Variants in HPSE2 observed in about 807,000 individuals in gnomAD.
The protein encoded by HPSE2 is heparanase 2 (inactive).
In HPSE2, 38 loss-of-function variants were observed where a neutral mutation model predicts 60.5. The ratio of observed to expected loss-of-function variants is 0.63; its 90% CI spans 0.48 to 0.82. The LOEUF is 0.82. Ranked by LOEUF, HPSE2 falls within the 40% of genes least tolerant of loss-of-function variation. HPSE2 has a pLI of 0.00. For synonymous variants in HPSE2, 295 were observed against 293.2 expected (o/e 1.01, Z -0.06); for missense variants, 713 against 740.4 (o/e 0.96, Z 0.43).
intron 3 of HPSE2, among the ~76,000 whole-genome samples, chr10:98,921,441 A>T (rs1445705436): frequency 1.3e-5 from 2 of 152,196 alleles, no homozygotes; most frequent in Admixed American, 1.3e-4. Context: ...GCAAAGGGAA[A>T]GCTGGCCTCT....
At chr10:99,214,226 G>C (rs1849043895) in intron 2 of HPSE2, among the ~76,000 whole-genome samples, 1 of 152,166 alleles carries the variant, frequency 6.6e-6, no homozygotes, top group Non-Finnish European at 1.5e-5. Context: ...CATGGATGTG[G>C]AAAAACTGGC....
At chr10:98,968,251 A>G (rs1955863482) in intron 3 of HPSE2, among the ~76,000 whole-genome samples, 1 of 152,190 alleles carries the variant, frequency 6.6e-6, no homozygotes, top group African/African-American at 2.4e-5. Context: ...CCTGTGGGCA[A>G]TTAGCACTGT....
intron 3 of HPSE2, among the ~76,000 whole-genome samples, chr10:99,015,883 T>C (rs1564739149): frequency 6.6e-6 from 1 of 152,164 alleles, no homozygotes; most frequent in Non-Finnish European, 1.5e-5. Flanking sequence ...CCCACTTTTT[T>C]ATGGGCTTGT....
intron 5 of HPSE2, among the ~76,000 whole-genome samples, chr10:98,709,734 C>A (rs145245975): frequency 6.6e-6 from 1 of 152,186 alleles, no homozygotes; most frequent in Non-Finnish European, 1.5e-5. Context: ...TGTTATCCAC[C>A]TGCACATATG....
chr10:98,803,878 TG>T (rs1791995107), intron 3 of HPSE2, among the ~76,000 whole-genome samples: 1 of 152,004 alleles, frequency 6.6e-6, no homozygotes, highest in Admixed American at 6.6e-5. Flanking sequence ...GGTAGCTTGA[TG>T]GGGATGGCAG....
intron 9 of HPSE2, among the ~76,000 whole-genome samples, chr10:98,592,747 C>G (rs1405133820): frequency 6.6e-6 from 1 of 152,174 alleles, no homozygotes; most frequent in East Asian, 1.9e-4. Context: ...GGCAAGCTAC[C>G]TCTCTTGCCC....
intron 9 of HPSE2, among the ~76,000 whole-genome samples, chr10:98,534,650 C>A (rs2133808478): frequency 6.6e-6 from 1 of 152,292 alleles, no homozygotes; most frequent in East Asian, 1.9e-4. Flanking sequence ...GGTGATCTGC[C>A]CACCTCAGCC....
At chr10:99,211,018 A>T (rs1353800281) in intron 2 of HPSE2, among the ~76,000 whole-genome samples, 2 of 152,168 alleles carry the variant, frequency 1.3e-5, no homozygotes, top group Non-Finnish European at 2.9e-5. Flanking sequence ...AGAAAACCCT[A>T]AGATTCAACC....
chr10:98,499,296 C>T (rs1029866860), intron 9 of HPSE2, among the ~76,000 whole-genome samples: 19 of 152,160 alleles, frequency 1.2e-4, no homozygotes, highest in Non-Finnish European at 2.9e-5. Context: ...AGATTAACAG[C>T]AGATTTCTCA....
At chr10:98,827,458 G>A (rs200431910) in intron 3 of HPSE2, among the ~76,000 whole-genome samples, 2 of 152,060 alleles carry the variant, frequency 1.3e-5, no homozygotes, top group African/African-American at 4.8e-5. Context: ...CGCCCACCTC[G>A]GCCTCCCAAA....
chr10:98,605,299 C>T (rs1177866158), intron 9 of HPSE2, among the ~76,000 whole-genome samples: 1 of 152,180 alleles, frequency 6.6e-6, no homozygotes, highest in African/African-American at 2.4e-5. Flanking sequence ...ACACATCCAT[C>T]ATCTATTAAC....
chr10:99,116,540 C>T (rs1844699200), intron 3 of HPSE2, among the ~76,000 whole-genome samples: 1 of 152,154 alleles, frequency 6.6e-6, no homozygotes, highest in African/African-American at 2.4e-5. Flanking sequence ...CTAACACTGA[C>T]AATTATACAG....
chr10:98,928,463 A>G lies in HPSE2; in HGVS notation c.611-184407T>C, dbSNP rs994988404. 1.3e-4 allele frequency among the ~76,000 whole-genome samples: 14 copies of G among 104,554 alleles called. 2 individuals carry two copies. Among genetic ancestry groups the G allele is most frequent in the African/African-American group, 5.4e-4 (12 of 22,310 alleles). The allele number at this position is 104,554 out of a possible 152,430, so 68.6% of individuals were successfully genotyped here. On this transcript the variant is annotated intron_variant, in intron 3 of 11. Transcript: ENST00000370552. ...TCAGGGATCTAGAACTAGAAATACC[A>G]TTTGACCCAGCCATCCCATTACTGG...
chr10:99,289,839 T>G, the HPSE2 span, among the ~76,000 whole-genome samples: 5 of 152,296 alleles, frequency 3.3e-5, no homozygotes, highest in African/African-American at 9.6e-5. Context: ...CATTAAAAAC[T>G]GTACTGCTGA....
intron 3 of HPSE2, among the ~76,000 whole-genome samples, chr10:99,005,463 T>C (rs969100728): frequency 1.3e-5 from 2 of 152,136 alleles, no homozygotes; most frequent in African/African-American, 4.8e-5. Flanking sequence ...TTTCACTTCA[T>C]TCATTGTGTC....
intron 9 of HPSE2, among the ~76,000 whole-genome samples, chr10:98,540,049 C>T (rs1341531242): frequency 4.6e-5 from 7 of 152,230 alleles, no homozygotes; most frequent in Non-Finnish European, 7.3e-5. Context: ...TTCTGGGTCT[C>T]AATTTCTGCA....
chr10:98,554,513 T>G (rs940131013), intron 9 of HPSE2, among the ~76,000 whole-genome samples: 1 of 152,186 alleles, frequency 6.6e-6, no homozygotes, highest in African/African-American at 2.4e-5. Flanking sequence ...CCATAAAATT[T>G]TAAGTTCTTT....
At chr10:98,929,208 C>T (rs1954575837) in intron 3 of HPSE2, among the ~76,000 whole-genome samples, 1 of 143,134 alleles carries the variant, frequency 7.0e-6, no homozygotes, top group African/African-American at 2.9e-5. Flanking sequence ...GCACACACCA[C>T]TGTCAATATG....
chr10:99,053,719 C>CTTTTTT lies in HPSE2; in HGVS notation c.610+90513_610+90518dup, dbSNP rs11301458. 1.9e-4 allele frequency among the ~76,000 whole-genome samples: 11 copies of CTTTTTT among 57,808 alleles called. 1 individual carries two copies. The highest frequency in any genetic ancestry group is 2.8e-4 in the Admixed American group (1 of 3,558). The allele number at this position is 57,808 out of a possible 152,430, so 37.9% of individuals were successfully genotyped here. ...TGAATTAAGTACAGAGAGTTACAGT[C>CTTTTTT]TTTTTTTTTTTTTTTTTTTTTTTTT... On this transcript the variant is annotated intron_variant, in intron 3 of 11. Transcript: ENST00000370552.
Sources: allele counts gnomAD v4.1 joint callset (sites outside exome capture counted in the v4.1 genomes callset), GRCh38; gene constraint gnomAD v4.1.1; transcripts MANE v1.5; gene names NCBI Gene and HGNC (gene_info 2026-07-23, HGNC 2026-07-21).